The following ARID4B variants were observed in gnomAD, a reference collection of about 807,000 sequenced individuals.
ARID4B encodes AT-rich interactive domain-containing protein 4B.
A neutral mutation model predicts 147.5 loss-of-function variants in ARID4B; 26 were observed. The observed-to-expected ratio is 0.18, with a 90% CI of 0.13 to 0.24. The LOEUF (loss-of-function observed/expected upper bound fraction) is 0.24. Among genes scored for constraint, ARID4B ranks in the 10% least tolerant of loss-of-function variants. ARID4B has a pLI of 1.00. For missense variants in ARID4B, 1,179 were observed against 1,511.5 expected (o/e 0.78, Z 3.65); for synonymous variants, 512 against 507.9 (o/e 1.01, Z -0.11).
At chr1:235,255,063 G>A (rs1572087322) in intron 5 of ARID4B, among the ~76,000 whole-genome samples, 1 of 151,874 alleles carries the variant, frequency 6.6e-6, no homozygotes, top group East Asian at 1.9e-4. Context: ...CTAGGATACA[G>A]TAGGTATCCT....
intron 17 of ARID4B, among the ~76,000 whole-genome samples, chr1:235,203,392 TAATATATACCTAA>T (rs1449642783): frequency 6.6e-6 from 1 of 152,180 alleles, no homozygotes; most frequent in African/African-American, 2.4e-5. Flanking sequence ...AGCATATAGT[TAATATATACCTAA>T]AAAGCACAGT....
Position 235,219,964 on chromosome 1 carries a change from C to G in ARID4B, c.1412G>C (p.Ser471Thr), listed in dbSNP as rs368506281. Residue 471 changes from serine to threonine, a missense_variant, in exon 16 of 24, where the codon AGT (serine) becomes ACT (threonine). Around this residue, in one of 10 missense-constraint regions of ARID4B, gnomAD observed 204 missense variants for 210.9 expected, o/e 0.97. Transcript: ENST00000264183. The stretch of plus-strand genomic sequence containing the variant: ...TATAGATTCTAATAAATTCTTTTTA[C>G]TTCCCTAGAAAAAGATCAGAGGAAA... The part of the protein sequence containing the change: ...RKENIKPSLG[S>T]KKNLLESIPT... The G allele has an allele frequency of 4.6e-6, 7 of 1,532,034 alleles. No homozygotes were observed. Among genetic ancestry groups the G allele is most frequent in the Non-Finnish European group, 6.1e-6 (7 of 1,141,928 alleles). The allele number at this position is 1,532,034 out of a possible 1,614,324, so 94.9% of individuals were successfully genotyped here.
At chr1:235,242,905 C>T (rs112791031) in intron 7 of ARID4B, among the ~76,000 whole-genome samples, 1 of 152,112 alleles carries the variant, frequency 6.6e-6, no homozygotes, top group Non-Finnish European at 1.5e-5. Flanking sequence ...ACAGTCCCTG[C>T]CCATCTACCT....
intron 17 of ARID4B, among the ~76,000 whole-genome samples, chr1:235,203,398 A>G (rs937834003): frequency 1.3e-5 from 2 of 152,244 alleles, no homozygotes; most frequent in African/African-American, 2.4e-5. Context: ...TAGTTAATAT[A>G]TACCTAAAAA....
intron 19 of ARID4B, among the ~76,000 whole-genome samples, chr1:235,192,516 A>G (rs1665181796): frequency 6.6e-6 from 1 of 152,240 alleles, no homozygotes; most frequent in Non-Finnish European, 1.5e-5. Flanking sequence ...TACAGTGGTG[A>G]GTAAATAAAA....
intron 2 of ARID4B, among the ~76,000 whole-genome samples, chr1:235,309,004 G>T (rs570029694): frequency 6.9e-6 from 1 of 144,276 alleles, no homozygotes; most frequent in African/African-American, 2.9e-5. Context: ...GTCTCTGCCC[G>T]GCCGCCATCC....
intron 2 of ARID4B, among the ~76,000 whole-genome samples, chr1:235,312,302 A>G (rs2103280452): frequency 6.6e-6 from 1 of 152,238 alleles, no homozygotes; most frequent in East Asian, 1.9e-4. Flanking sequence ...AGAAAAGAAA[A>G]GAAAATTACG....
At chr1:235,249,716 C>T (rs1032031712) in intron 6 of ARID4B, among the ~76,000 whole-genome samples, 57 of 151,112 alleles carry the variant, frequency 3.8e-4, no homozygotes, top group African/African-American at 1.3e-3. Context: ...CTGAGGCGGG[C>T]GTATCACGAG....
intron 2 of ARID4B, among the ~76,000 whole-genome samples, chr1:235,281,126 A>C (rs962908916): frequency 6.9e-6 from 1 of 144,840 alleles, no homozygotes; most frequent in African/African-American, 2.9e-5. Context: ...AGCATGCTTT[A>C]AAGTGAGCAG....
chr1:235,213,268 T>C (rs908769011), intron 17 of ARID4B, among the ~76,000 whole-genome samples: 2 of 152,198 alleles, frequency 1.3e-5, no homozygotes, highest in African/African-American at 4.8e-5. Flanking sequence ...AAGATACTAA[T>C]AAATTTCTGA....
chr1:235,207,338 A>T (rs920211583), intron 17 of ARID4B, among the ~76,000 whole-genome samples: 1 of 152,238 alleles, frequency 6.6e-6, no homozygotes, highest in Non-Finnish European at 1.5e-5. Context: ...TGAATTTAAA[A>T]TAAGAACAGT....
At chr1:235,317,180 G>A (rs1331685968) in intron 2 of ARID4B, among the ~76,000 whole-genome samples, 1 of 152,138 alleles carries the variant, frequency 6.6e-6, no homozygotes, top group Non-Finnish European at 1.5e-5. Context: ...AATGAACAGT[G>A]ACTAGTTGAT....
chr1:235,262,192 C>G (rs1170778476), intron 2 of ARID4B, among the ~76,000 whole-genome samples: 2 of 151,868 alleles, frequency 1.3e-5, no homozygotes, highest in Non-Finnish European at 2.9e-5. Context: ...ATAAATTCTC[C>G]CCTAAAAGTT....
At chr1:235,270,151 C>G (rs1342651253) in intron 2 of ARID4B, among the ~76,000 whole-genome samples, 1 of 152,114 alleles carries the variant, frequency 6.6e-6, no homozygotes, top group East Asian at 1.9e-4. Context: ...GGCGTCATGA[C>G]AGGCGCCTGT....
intron 2 of ARID4B, among the ~76,000 whole-genome samples, chr1:235,325,316 T>TAAA (rs1675145504): frequency 6.6e-6 from 1 of 152,000 alleles, no homozygotes; most frequent in Admixed American, 6.6e-5. Context: ...CCAAGAAACT[T>TAAA]TTAAGGCTAA....
intron 23 of ARID4B, among the ~76,000 whole-genome samples, chr1:235,171,717 G>A (rs1165248661): frequency 6.6e-6 from 1 of 151,734 alleles, no homozygotes; most frequent in Non-Finnish European, 1.5e-5. Context: ...TCCGTTCACT[G>A]CAACATCTGC....
chr1:235,279,149 G>A (rs933931624), intron 2 of ARID4B, among the ~76,000 whole-genome samples: 1 of 152,020 alleles, frequency 6.6e-6, no homozygotes, highest in African/African-American at 2.4e-5. Context: ...GAAACTCTCC[G>A]GGAGGGAAAC....
At chr1:235,319,958 C>A (rs1674707504) in intron 2 of ARID4B, among the ~76,000 whole-genome samples, 1 of 152,050 alleles carries the variant, frequency 6.6e-6, no homozygotes, top group African/African-American at 2.4e-5. Flanking sequence ...GAAACCCCGT[C>A]TCTACTAAAA....
At chr1:235,171,747 C>T (rs1489269682) in intron 23 of ARID4B, among the ~76,000 whole-genome samples, 1 of 151,942 alleles carries the variant, frequency 6.6e-6, no homozygotes, top group Non-Finnish European at 1.5e-5. Flanking sequence ...TTAAGCAATT[C>T]TCCTGCGTCG....
Sources: allele counts gnomAD v4.1 joint callset (sites outside exome capture counted in the v4.1 genomes callset), GRCh38; gene constraint gnomAD v4.1.1; regional missense constraint gnomAD v4.1.1; transcripts MANE v1.5; gene names NCBI Gene and HGNC (gene_info 2026-07-23, HGNC 2026-07-21).